The following IRAG1 variants were observed in gnomAD, a reference collection of about 807,000 sequenced individuals.
IRAG1 encodes IP3R-associated cGMP kinase substrate.
Under a neutral mutation model 106.2 loss-of-function variants are expected in IRAG1, and 62 were observed. The ratio of observed to expected loss-of-function variants is 0.58; its 90% CI spans 0.48 to 0.72. The LOEUF is 0.72. IRAG1 is among the 30% of genes least tolerant of loss of function. The probability of loss-of-function intolerance (pLI) is 0.00; values close to 1 mark genes in which losing one functional copy is unlikely to be tolerated. For synonymous variants in IRAG1, 462 were observed against 443.9 expected (o/e 1.04, Z -0.51); for missense variants, 1,064 against 1,140.7 (o/e 0.93, Z 0.97).
intron 8 of IRAG1, among the ~76,000 whole-genome samples, chr11:10,626,813 A>G (rs1856280380): frequency 1.3e-5 from 2 of 152,260 alleles, no homozygotes; most frequent in Admixed American, 1.3e-4. Flanking sequence ...AGAATTTCCC[A>G]AGGGATAGGA....
chr11:10,629,749 A>G (rs1856545234), intron 4 of IRAG1, 38 bp from the exon 5 acceptor site: 4 of 1,597,024 alleles, frequency 2.5e-6, no homozygotes, highest in South Asian at 2.3e-5. Context: ...GAGCCACTGC[A>G]TCCGTGGCCC....
chr11:10,609,202 T>C (rs1034635747), intron 11 of IRAG1, among the ~76,000 whole-genome samples: 1 of 152,172 alleles, frequency 6.6e-6, no homozygotes, highest in African/African-American at 2.4e-5. Flanking sequence ...AATGCCCCAC[T>C]CTCATGTCAT....
intron 15 of IRAG1, 99 bp downstream of exon 15, chr11:10,600,819 A>G: frequency 6.7e-7 from 1 of 1,485,644 alleles, no homozygotes; most frequent in South Asian, 1.3e-5. Context: ...CTCAACTGGA[A>G]ATAAGTCCTG....
intron 18 of IRAG1, among the ~76,000 whole-genome samples, chr11:10,590,973 T>G (rs1852588198): frequency 6.6e-6 from 1 of 152,194 alleles, no homozygotes; most frequent in South Asian, 2.1e-4. Context: ...GAAAGGGACT[T>G]CCTTCCAGAT....
chr11:10,627,606 T>G, intron 8 of IRAG1, 110 bp downstream of exon 8: 3 of 1,132,844 alleles, frequency 2.6e-6, no homozygotes, highest in Non-Finnish European at 4.0e-6. Context: ...CCTCCACTCA[T>G]ACGTGTGCAT....
rs1329680830 is a variant in IRAG1 at position 10,574,001 on chromosome 11, T to C, written c.*2331A>G. 5 of 152,294 alleles carry C rather than the reference T, an allele frequency of 3.3e-5. No individual in the cohort carries two copies. The highest frequency in any genetic ancestry group is 7.3e-5 in the Non-Finnish European group (5 of 68,090). 9.4% of individuals were successfully genotyped at this position (152,294 alleles called of 1,614,324 possible). ...CCTGCTCTGTAACTCTTTACCTTAA[T>C]GGCACATCCTTGATCAACCCTGGCT... On this transcript the variant is annotated 3_prime_UTR_variant, in exon 21 of 21. Transcript: ENST00000423302.
intron 2 of IRAG1, among the ~76,000 whole-genome samples, chr11:10,639,495 C>A (rs529965129): frequency 1.3e-5 from 2 of 152,288 alleles, no homozygotes; most frequent in Admixed American, 1.3e-4. Flanking sequence ...AACTGTTCAA[C>A]AGAAAGAAAA....
chr11:10,592,644 G>C (rs1165892380), intron 17 of IRAG1, among the ~76,000 whole-genome samples: 1 of 152,152 alleles, frequency 6.6e-6, no homozygotes, highest in African/African-American at 2.4e-5. Flanking sequence ...ATGCACAAAG[G>C]CCTGGGATAC....
chr11:10,610,666 A>G (rs1235306630), intron 10 of IRAG1, among the ~76,000 whole-genome samples: 1 of 152,162 alleles, frequency 6.6e-6, no homozygotes, highest in Non-Finnish European at 1.5e-5. Context: ...TTGCTGTTAC[A>G]GAGGCCCAGA....
intron 20 of IRAG1, 63 bp downstream of exon 20, chr11:10,580,392 A>G: frequency 1.9e-6 from 3 of 1,571,956 alleles, no homozygotes; most frequent in Non-Finnish European, 2.6e-6. Flanking sequence ...TTGTGCATTT[A>G]AATTAGATGA....
chr11:10,600,792 A>G, intron 15 of IRAG1, 126 bp downstream of exon 15: 2 of 1,288,514 alleles, frequency 1.6e-6, no homozygotes, highest in Non-Finnish European at 2.1e-6. Context: ...TGTGGGCAGC[A>G]CTAGACAGGA....
intron 18 of IRAG1, among the ~76,000 whole-genome samples, chr11:10,582,826 C>T (rs999905779): frequency 2.0e-5 from 3 of 152,118 alleles, no homozygotes; most frequent in Non-Finnish European, 4.4e-5. Flanking sequence ...TGTGGTGGCA[C>T]ACACCTGTAA....
At chr11:10,651,262 T>G (rs574448225) in intron 2 of IRAG1, among the ~76,000 whole-genome samples, 1 of 152,166 alleles carries the variant, frequency 6.6e-6, no homozygotes, top group South Asian at 2.1e-4. Flanking sequence ...AGGGAATAAT[T>G]TGAATATCGA....
chr11:10,631,850 G>A (rs186526080), intron 4 of IRAG1, 141 bp downstream of exon 4: 162 of 614,128 alleles, frequency 2.6e-4, no homozygotes, highest in Admixed American at 9.8e-4. Flanking sequence ...ACCCAGACAC[G>A]GAGGGGCTGA....
chr11:10,662,106 GAGA>G (rs555881312), intron 1 of IRAG1, among the ~76,000 whole-genome samples: 70 of 152,288 alleles, frequency 4.6e-4, no homozygotes, highest in African/African-American at 1.6e-3. Context: ...CTAAAAAGCA[GAGA>G]AGAAGGTTTT....
At chr11:10,607,455 G>A (rs549018432) in intron 11 of IRAG1, among the ~76,000 whole-genome samples, 3 of 152,312 alleles carry the variant, frequency 2.0e-5, no homozygotes, top group African/African-American at 4.8e-5. Context: ...CGTCTGTGGC[G>A]TTCCCACAGC....
chr11:10,638,830 TGTG>T (rs1412187329), intron 2 of IRAG1, among the ~76,000 whole-genome samples: 1 of 152,174 alleles, frequency 6.6e-6, no homozygotes, highest in Non-Finnish European at 1.5e-5. Flanking sequence ...AAAAAATAAT[TGTG>T]GTGGTATTAG....
Position 10,594,274 on chromosome 11 carries a change from C to T in IRAG1, c.2018-79G>A, listed in dbSNP as rs1369024324. 1.7e-5 allele frequency: 23 copies of T among 1,384,956 alleles called. No homozygotes were observed. The Admixed American group carries it at 2.1e-4, about 13-fold the overall frequency. The allele number at this position is 1,384,956 out of a possible 1,614,324, so 85.8% of individuals were successfully genotyped here. On this transcript the variant is annotated intron_variant, in intron 15 of 20. Coordinates refer to ENST00000423302, the MANE Select transcript of IRAG1 (RefSeq NM_130385.4). The stretch of plus-strand genomic sequence containing the variant: ...CAGCAGGAAACAGAAACTAGGCTAT[C>T]GTATCCATGGGCCAGAACTGGCCCT...
intron 1 of IRAG1, among the ~76,000 whole-genome samples, chr11:10,680,401 G>A (rs1007088952): frequency 2.4e-5 from 3 of 124,014 alleles, no homozygotes; most frequent in African/African-American, 1.0e-4. Context: ...AGGAAGGAAG[G>A]AAGGAAAGAA....
Sources: allele counts gnomAD v4.1 joint callset (sites outside exome capture counted in the v4.1 genomes callset), GRCh38; gene constraint gnomAD v4.1.1; transcripts MANE v1.5; gene names NCBI Gene and HGNC (gene_info 2026-07-23, HGNC 2026-07-21).